WAPL: variants seen among roughly 807,000 people sequenced by gnomAD.
The protein encoded by WAPL is wings apart-like protein homolog.
WAPL carries 5 observed loss-of-function variants against 121.0 expected under a neutral mutation model. The observed-to-expected ratio is 0.04, with a 90% CI of 0.02 to 0.09. The LOEUF (loss-of-function observed/expected upper bound fraction) is 0.09. WAPL is among the 10% of genes least tolerant of loss of function. WAPL has a pLI of 1.00. For missense variants in WAPL, 999 were observed against 1,410.8 expected (o/e 0.71, Z 4.68); for synonymous variants, 480 against 481.5 (o/e 1.00, Z 0.04).
chr10:86,461,349 C>T (rs1461152196), intron 9 of WAPL, 62 bp from the exon 10 acceptor site: 1 of 1,372,302 alleles, frequency 7.3e-7, no homozygotes, highest in Non-Finnish European at 1.0e-6. Flanking sequence ...GAAATTGTTT[C>T]TCTTTACAAA....
In WAPL at chr10:86,446,092, A is replaced by G. The variant is rs1003975456; in HGVS notation, c.3322+150T>C. The G allele has an allele frequency of 3.8e-6, 3 of 793,530 alleles. No individual in the cohort carries two copies. The African/African-American group carries it at 5.2e-5, about 14-fold the overall frequency. The allele number at this position is 793,530 out of a possible 1,614,324, so 49.2% of individuals were successfully genotyped here. ...TCACTGTGGGAGAACTACCACAAGC[A>G]CTTAAGTATCAAAGCTTGTCTGGAC... On this transcript the variant is annotated intron_variant, in intron 16 of 18. Transcript: ENST00000298767.
chr10:86,515,864 C>CTTTTTTTT (rs377683656), intron 2 of WAPL, among the ~76,000 whole-genome samples: 6 of 101,148 alleles, frequency 5.9e-5, no homozygotes, highest in Admixed American at 1.4e-4. Flanking sequence ...CTGTCTATGC[C>CTTTTTTTT]TTTTTTTTTT....
intron 3 of WAPL, 79 bp from the exon 4 acceptor site, chr10:86,497,398 A>G: frequency 1.0e-6 from 1 of 995,538 alleles, no homozygotes; most frequent in Non-Finnish European, 1.5e-6. Context: ...TTATATATAC[A>G]TGAATGAATG....
At chr10:86,482,858 G>A (rs1841824691) in intron 4 of WAPL, among the ~76,000 whole-genome samples, 1 of 152,166 alleles carries the variant, frequency 6.6e-6, no homozygotes, top group Non-Finnish European at 1.5e-5. Context: ...TCAAAGGGTA[G>A]AAACTTCCCA....
At position 86,499,977 on chromosome 10, in the gene WAPL, C is replaced by G; in HGVS notation, c.1266G>C (p.Lys422Asn). The G allele has an allele frequency of 6.2e-7, 1 of 1,614,052 alleles. No homozygotes were observed. Residue 422 changes from lysine to asparagine, a missense_variant, in exon 3 of 19, where the codon AAG (lysine) becomes AAC (asparagine). Transcript: ENST00000298767. ...AACCAAAAAATTCAAGTTTAACATC[C>G]TTTTTGGATTTAGTATTACTAGGTC... Reference protein sequence around the residue: ...RFRPSNTKSKKDVKLEFFGFE... With the variant: ...RFRPSNTKSKNDVKLEFFGFE...
intron 9 of WAPL, 126 bp from the exon 10 acceptor site, chr10:86,461,413 C>G (rs1841271520): frequency 3.0e-6 from 2 of 675,956 alleles, no homozygotes; most frequent in Non-Finnish European, 4.9e-6. Flanking sequence ...TAAAATTGAA[C>G]TAATTTTCAA....
At chr10:86,467,529 A>T in intron 8 of WAPL, 23 bp from the exon 9 acceptor site, 1 of 1,570,398 alleles carries the variant, frequency 6.4e-7, no homozygotes, top group East Asian at 2.2e-5. Flanking sequence ...AAAAAAAGAA[A>T]AGAAAAAAAA....
intron 4 of WAPL, among the ~76,000 whole-genome samples, chr10:86,474,513 CAAA>C (rs11380209): frequency 1.5e-5 from 2 of 130,084 alleles, no homozygotes; most frequent in Non-Finnish European, 1.6e-5. Flanking sequence ...GACTCCGTCT[CAAA>C]AAAAAAAAAA....
At position 86,508,897 on chromosome 10, in the gene WAPL, A is replaced by G. The variant is rs552571935; in HGVS notation, c.500-8154T>C. Among the ~76,000 whole-genome samples, 54 of 151,688 alleles carry G rather than the reference A, an allele frequency of 3.6e-4. 3 individuals carry two copies. In the South Asian group the frequency reaches 7.5e-3, roughly 21 times the overall value. On this transcript the variant is annotated intron_variant, in intron 2 of 18. Transcript: ENST00000298767. ...AGCCTCTCCAAGTAACTGGGACTAC[A>G]GGCGCCCGCCACCACGCCCGGCTAA...
chr10:86,520,323 A>G (rs1405820571), intron 1 of WAPL, among the ~76,000 whole-genome samples: 1 of 152,230 alleles, frequency 6.6e-6, no homozygotes, highest in African/African-American at 2.4e-5. Context: ...GATAATAATA[A>G]TTTTGTGCCA....
intron 2 of WAPL, among the ~76,000 whole-genome samples, chr10:86,515,768 C>T (rs868616048): frequency 4.0e-5 from 6 of 150,560 alleles, no homozygotes; most frequent in Middle Eastern, 3.3e-3. Context: ...GGCAACACAG[C>T]GAGACTGTGT....
At chr10:86,515,488 A>G (rs927841556) in intron 2 of WAPL, among the ~76,000 whole-genome samples, 1 of 152,044 alleles carries the variant, frequency 6.6e-6, no homozygotes, top group Non-Finnish European at 1.5e-5. Flanking sequence ...TTTAGTTCAA[A>G]AAAAGTTTGA....
intron 15 of WAPL, among the ~76,000 whole-genome samples, chr10:86,450,595 C>T (rs1840956514): frequency 3.3e-5 from 5 of 152,094 alleles, no homozygotes; most frequent in Admixed American, 6.6e-5. Flanking sequence ...GCGGTAGGTG[C>T]CAAACATTTT....
chr10:86,472,687 T>C lies in WAPL; in HGVS notation c.1818A>G (p.Ile606Met), dbSNP rs767123431. 3.1e-6 allele frequency: 5 copies of C among 1,614,024 alleles called. 1 individual carries two copies. Among genetic ancestry groups the C allele is most frequent in the Middle Eastern group, 3.3e-4 (2 of 6,058 alleles). ...GCTGAGTAGGTATTGTCACAGTTTT[T>C]ATCACTTTGGATGGTGGTGCAGGAG... is the stretch of plus-strand genomic sequence containing the variant. The part of the protein sequence containing the change: ...FKAPAPPSKV[I>M]KTVTIPTQPY... The change falls in exon 6 of 19, where the codon ATA becomes ATG. Residue 606 changes from isoleucine (I) to methionine (M), a missense_variant. This residue lies in a region of WAPL where 74 missense variants were observed against 115.1 expected (regional missense o/e 0.64). Transcript: ENST00000298767. The surrounding 1 kb of genome is among the most constrained non-coding windows in gnomAD (Gnocchi z 4.2).
chr10:86,481,490 C>G (rs1157915186), intron 4 of WAPL, among the ~76,000 whole-genome samples: 1 of 152,162 alleles, frequency 6.6e-6, no homozygotes, highest in Non-Finnish European at 1.5e-5. Context: ...TCTCCTGCCT[C>G]AGCCTCCCGA....
At chr10:86,467,629 C>A in intron 8 of WAPL, 123 bp from the exon 9 acceptor site, 2 of 736,276 alleles carry the variant, frequency 2.7e-6, no homozygotes, top group Non-Finnish European at 4.1e-6. Context: ...TATTACTAAC[C>A]ATGTTGGAAA....
chr10:86,470,428 T>G (rs957271378), intron 8 of WAPL, among the ~76,000 whole-genome samples: 3 of 152,260 alleles, frequency 2.0e-5, no homozygotes, highest in Non-Finnish European at 4.4e-5. Context: ...AAAATACTAC[T>G]AATGCTAATA....
chr10:86,438,120 G>A, intron 17 of WAPL, 105 bp from the exon 18 acceptor site: 1 of 742,124 alleles, frequency 1.3e-6, no homozygotes, highest in Non-Finnish European at 2.3e-6. Flanking sequence ...AAATTTTTAA[G>A]ATCCTTGGAA....
intron 2 of WAPL, among the ~76,000 whole-genome samples, chr10:86,510,320 G>T (rs7081638): frequency 0.85 from 129,795 of 152,066 alleles, 56,057 homozygotes; most frequent in Non-Finnish European, 0.92. Context: ...TGATCCACCC[G>T]CCTTGCCTCC....
Sources: gnomAD v4.1 joint callset for allele counts (sites outside exome capture counted in the v4.1 genomes callset) on GRCh38, gnomAD v4.1.1 for gene constraint, gnomAD v4.1.1 regional missense constraint, Gnocchi (gnomAD v3.1) non-coding constraint, MANE v1.5 for transcripts, NCBI Gene and HGNC (gene_info 2026-07-23, HGNC 2026-07-21) for gene names.